The following ADCY1 variants were observed in gnomAD, a reference collection of about 807,000 sequenced individuals.
ADCY1 encodes adenylate cyclase type 1.
Under a neutral mutation model 105.4 loss-of-function variants are expected in ADCY1, and 28 were observed. The observed-to-expected ratio is 0.27, with a 90% confidence interval of 0.20 to 0.36. The LOEUF (loss-of-function observed/expected upper bound fraction) is 0.36, where lower values mean the gene tolerates loss of function less well. Ranked by LOEUF, ADCY1 falls within the 10% of genes least tolerant of loss-of-function variation. ADCY1 has a pLI of 1.00. For missense variants in ADCY1, 977 were observed against 1,434.2 expected (o/e 0.68, Z 5.15); for synonymous variants, 655 against 623.8 (o/e 1.05, Z -0.75).
chr7:45,593,838 A>G (rs111564014), intron 2 of ADCY1, among the ~76,000 whole-genome samples: 38 of 152,402 alleles, frequency 2.5e-4, no homozygotes, highest in African/African-American at 8.7e-4. Context: ...AAAGTAGGAT[A>G]TACAATAAAA....
In ADCY1 at chr7:45,610,412, G is replaced by A. The variant is rs80190930; in HGVS notation, c.823G>A (p.Val275Ile). The change falls in exon 3 of 20, where the codon GTT becomes ATT. Residue 275 changes from valine (V) to isoleucine (I), a missense_variant. Transcript: ENST00000297323. Reference protein sequence around the residue: ...RLLMSLLPRNVAMEMKEDFLK... With the variant: ...RLLMSLLPRNIAMEMKEDFLK... ...CCTCATGAGCCTCCTGCCCCGGAAC[G>A]TTGCCATGGAGATGAAGGAGGACTT... 47 of 1,613,952 alleles carry A rather than the reference G, an allele frequency of 2.9e-5. No homozygotes were observed. The highest frequency in any genetic ancestry group is 2.0e-4 in the East Asian group (9 of 44,860).
intron 10 of ADCY1, 67 bp downstream of exon 10, chr7:45,678,330 T>G (rs1784500148): frequency 1.4e-6 from 2 of 1,477,878 alleles, no homozygotes; most frequent in Non-Finnish European, 1.9e-6. Flanking sequence ...TTCGTGGTTG[T>G]GTTTCTGGGG....
intron 10 of ADCY1, among the ~76,000 whole-genome samples, chr7:45,679,279 C>G (rs952299311): frequency 6.6e-6 from 1 of 152,236 alleles, no homozygotes; most frequent in Admixed American, 6.5e-5. Flanking sequence ...CTGAACACAG[C>G]AGCCTGCCTC....
At chr7:45,593,426 G>A (rs1392269282) in intron 2 of ADCY1, among the ~76,000 whole-genome samples, 1 of 152,170 alleles carries the variant, frequency 6.6e-6, no homozygotes, top group Non-Finnish European at 1.5e-5. Flanking sequence ...CCAGTGGCCG[G>A]CATCACCCCA....
chr7:45,660,250 T>C (rs910261592), intron 7 of ADCY1, 67 bp downstream of exon 7: 135 of 1,583,526 alleles, frequency 8.5e-5, no homozygotes, highest in Non-Finnish European at 1.1e-4. Context: ...GCTTTACAGA[T>C]GTGACTCCTC....
rs184426057 is a variant in ADCY1 at position 45,580,711 on chromosome 7, A to T, written c.639+5529A>T. ...CGAGAGTAGTGGGGCGAGTCCCGCA[A>T]AGGCCCAAGTGGGGCAAAACCACAC... On this transcript the variant is annotated intron_variant, in intron 1 of 19. Transcript: ENST00000297323. Among the ~76,000 whole-genome samples, 3 of 152,310 alleles carry T rather than the reference A, an allele frequency of 2.0e-5. No homozygotes were observed. The East Asian group carries it at 5.8e-4, about 29-fold the overall frequency.
rs566675722 is a variant in ADCY1 at position 45,711,166 on chromosome 7, C to T, written c.3057+514C>T. Among the ~76,000 whole-genome samples, 106 of 152,262 alleles carry T rather than the reference C, an allele frequency of 7.0e-4. 1 individual carries two copies. The highest frequency in any genetic ancestry group is 1.3e-3 in the African/African-American group (55 of 41,564). The stretch of plus-strand genomic sequence containing the variant: ...TTCCTCAGTGTGGAGGAATGTGGTT[C>T]GGCTTCTGGGATTTCCCTTGGAACA... On this transcript the variant is annotated intron_variant, in intron 19 of 19. Transcript: ENST00000297323.
chr7:45,610,051 G>A (rs1401906925), intron 2 of ADCY1, among the ~76,000 whole-genome samples: 3 of 152,222 alleles, frequency 2.0e-5, no homozygotes, highest in African/African-American at 7.2e-5. Flanking sequence ...AGCAGTAGGG[G>A]GAGGGAGAGA....
At chr7:45,712,766 A>G (rs1785286298) in intron 19 of ADCY1, among the ~76,000 whole-genome samples, 2 of 152,198 alleles carry the variant, frequency 1.3e-5, no homozygotes, top group South Asian at 2.1e-4. Context: ...CACCTCCAAC[A>G]TAACGCAGAG....
intron 8 of ADCY1, chr7:45,664,630 G>A: frequency 1.4e-6 from 1 of 733,416 alleles, no homozygotes; most frequent in East Asian, 3.6e-5. Context: ...AGTTTCTTAA[G>A]TTTGTGTGTC....
chr7:45,576,436 C>T (rs1562668827), intron 1 of ADCY1, among the ~76,000 whole-genome samples: 1 of 152,046 alleles, frequency 6.6e-6, no homozygotes, highest in African/African-American at 2.4e-5. Context: ...ACCATGTGCT[C>T]AACCCGTGGG....
At chr7:45,667,639 A>G (rs1415860380) in intron 8 of ADCY1, among the ~76,000 whole-genome samples, 1 of 152,168 alleles carries the variant, frequency 6.6e-6, no homozygotes, top group Non-Finnish European at 1.5e-5. Flanking sequence ...TATGAACTTT[A>G]AAGTAGTTTT....
rs528174506 is a variant in ADCY1, at chr7:45,575,386, C to A, written c.639+204C>A. On this transcript the variant is annotated intron_variant, in intron 1 of 19. Coordinates refer to ENST00000297323, the MANE Select transcript of ADCY1 (RefSeq NM_021116.4). The surrounding 1 kb of genome is among the most constrained non-coding windows in gnomAD (Gnocchi z 4.7). The stretch of plus-strand genomic sequence containing the variant: ...CCGGCCAGGGCTCTCTTCAGAGTTA[C>A]AATCCACGAAGCGCCCCTGGCGTGA... 3.9e-5 allele frequency among the ~76,000 whole-genome samples: 6 copies of A among 152,254 alleles called. No homozygotes were observed. The highest frequency in any genetic ancestry group is 7.2e-5 in the African/African-American group (3 of 41,472).
At chr7:45,670,579 G>A (rs553947618) in intron 8 of ADCY1, among the ~76,000 whole-genome samples, 8 of 152,152 alleles carry the variant, frequency 5.3e-5, no homozygotes, top group Non-Finnish European at 8.8e-5. Context: ...AGGAGAACTC[G>A]TGTCCATCAT....
chr7:45,629,765 C>T (rs550506121), intron 4 of ADCY1, among the ~76,000 whole-genome samples: 119 of 152,098 alleles, frequency 7.8e-4, no homozygotes, highest in Non-Finnish European at 1.4e-3. Context: ...ATGATCCACC[C>T]GCCTCGGCCT....
chr7:45,594,896 C>T (rs1399915520), intron 2 of ADCY1, among the ~76,000 whole-genome samples: 1 of 152,096 alleles, frequency 6.6e-6, no homozygotes, highest in African/African-American at 2.4e-5. Context: ...ACGTGATTGT[C>T]ATTGTGGTGT....
intron 2 of ADCY1, among the ~76,000 whole-genome samples, chr7:45,605,292 T>C (rs1006258856): frequency 6.6e-6 from 1 of 152,176 alleles, no homozygotes; most frequent in Non-Finnish European, 1.5e-5. Context: ...TACTTTTATT[T>C]CTTTCTTTCC....
chr7:45,651,937 A>G (rs1794822245), intron 5 of ADCY1, among the ~76,000 whole-genome samples: 1 of 152,192 alleles, frequency 6.6e-6, no homozygotes, highest in African/African-American at 2.4e-5. Flanking sequence ...CTGTTGTCAC[A>G]CTGCTATAAA....
At chr7:45,604,100 G>A (rs1306426453) in intron 2 of ADCY1, among the ~76,000 whole-genome samples, 2 of 152,166 alleles carry the variant, frequency 1.3e-5, no homozygotes, top group African/African-American at 4.8e-5. Flanking sequence ...TCATATGGAA[G>A]TTGCCTATTT....
Sources: allele counts gnomAD v4.1 joint callset (sites outside exome capture counted in the v4.1 genomes callset), GRCh38; gene constraint gnomAD v4.1.1; non-coding constraint Gnocchi (gnomAD v3.1); transcripts MANE v1.5; gene names NCBI Gene and HGNC (gene_info 2026-07-23, HGNC 2026-07-21).